The following TMEM131 variants were observed in gnomAD, a reference collection of about 807,000 sequenced individuals.
TMEM131 encodes the protein transmembrane protein 131, also known as 2610524E03Rik.
Under a neutral mutation model 211.6 loss-of-function variants are expected in TMEM131, and 66 were observed. The ratio of observed to expected loss-of-function variants is 0.31; its 90% confidence interval spans 0.26 to 0.38. The LOEUF (loss-of-function observed/expected upper bound fraction) is 0.38, where lower values mean the gene tolerates loss of function less well. Among genes scored for constraint, TMEM131 ranks in the 10% least tolerant of loss-of-function variants. The pLI, the probability that TMEM131 is intolerant of heterozygous loss-of-function variation, is 1.00. For synonymous variants in TMEM131, 844 were observed against 841.3 expected (o/e 1.00, Z -0.06); for missense variants, 2,036 against 2,299.3 (o/e 0.89, Z 2.34).
chr2:97,889,654 TGGAGAAAAA>T (rs1675301264), intron 3 of TMEM131, among the ~76,000 whole-genome samples: 1 of 151,358 alleles, frequency 6.6e-6, no homozygotes, highest in Admixed American at 6.6e-5. Context: ...GTTTAGATGT[TGGAGAAAAA>T]GGAAATTAAG....
At chr2:97,804,344 T>C (rs951498310) in intron 22 of TMEM131, among the ~76,000 whole-genome samples, 2 of 152,124 alleles carry the variant, frequency 1.3e-5, no homozygotes, top group Non-Finnish European at 2.9e-5. Context: ...GAGCCCTGTG[T>C]GCTCCCGAAT....
At chr2:97,971,200 G>A (rs2104602177) in intron 1 of TMEM131, among the ~76,000 whole-genome samples, 1 of 152,256 alleles carries the variant, frequency 6.6e-6, no homozygotes, top group South Asian at 2.1e-4. Context: ...AAAGGGCACT[G>A]GGTAAAGGTC....
chr2:97,773,349 G>A (rs1235895812), intron 32 of TMEM131, among the ~76,000 whole-genome samples: 4 of 152,186 alleles, frequency 2.6e-5, no homozygotes, highest in African/African-American at 9.7e-5. Context: ...TAAGGATGGT[G>A]AAGTCTAGCA....
At chr2:97,820,043 C>A (rs960599413) in intron 11 of TMEM131, among the ~76,000 whole-genome samples, 1 of 152,236 alleles carries the variant, frequency 6.6e-6, no homozygotes, top group African/African-American at 2.4e-5. Context: ...GAGCAGCTCC[C>A]TTTCCATTGG....
intron 1 of TMEM131, among the ~76,000 whole-genome samples, chr2:97,992,609 T>C (rs1015709914): frequency 2.6e-5 from 4 of 152,208 alleles, no homozygotes; most frequent in African/African-American, 9.7e-5. Context: ...CACTTCACAA[T>C]GAAATTATAT....
Position 97,902,746 on chromosome 2 carries a change from C to T in TMEM131, c.290+5912G>A, listed in dbSNP as rs147866112. ...AGAGATTAACATCTGAGTCAGTGGG[C>T]TGGGGAAGGCAGATCCACCCTTAAT... is the stretch of plus-strand genomic sequence containing the variant. On this transcript the variant is annotated intron_variant, in intron 3 of 40. Transcript: ENST00000186436. Among the ~76,000 whole-genome samples the T allele has an allele frequency of 5.3e-3, 811 of 152,218 alleles. 2 individuals are homozygous for T. Among genetic ancestry groups the T allele is most frequent in the South Asian group, 0.013 (65 of 4,818 alleles).
At position 97,924,255 on chromosome 2, in the gene TMEM131, T is replaced by C. The variant is rs542251914; in HGVS notation, c.249+3171A>G. On this transcript the variant is annotated intron_variant, in intron 2 of 40. Transcript: ENST00000186436. ...AAAATTGGATGGGTATGGTGGCATG[T>C]GCCTGTAGTCCCAGCTACTCTGGAG... Among the ~76,000 whole-genome samples the C allele has an allele frequency of 4.6e-5, 7 of 152,258 alleles. No homozygotes were observed. The East Asian group carries it at 1.4e-3, about 29-fold the overall frequency.
At chr2:97,802,268 T>G (rs1573382978) in intron 24 of TMEM131, among the ~76,000 whole-genome samples, 160 bp downstream of exon 24, 1 of 152,210 alleles carries the variant, frequency 6.6e-6, no homozygotes, top group East Asian at 1.9e-4. Context: ...TTGCACAGTA[T>G]CAACCTAAAC....
intron 1 of TMEM131, among the ~76,000 whole-genome samples, chr2:97,932,219 A>G (rs1403739836): frequency 3.3e-5 from 5 of 152,032 alleles, no homozygotes; most frequent in African/African-American, 1.2e-4. Context: ...TTACAGTTAC[A>G]CTTGCTCAAT....
intron 1 of TMEM131, among the ~76,000 whole-genome samples, chr2:97,929,097 A>G (rs1203031380): frequency 1.3e-5 from 2 of 151,628 alleles, no homozygotes; most frequent in Non-Finnish European, 2.9e-5. Flanking sequence ...GGCTTCCTGG[A>G]GCAATGGCCG....
intron 25 of TMEM131, among the ~76,000 whole-genome samples, chr2:97,801,329 A>G (rs1245413054): frequency 6.6e-6 from 1 of 152,266 alleles, no homozygotes; most frequent in Non-Finnish European, 1.5e-5. Context: ...GTCTTATTTA[A>G]TAACGTGTGG....
intron 11 of TMEM131, among the ~76,000 whole-genome samples, chr2:97,823,155 C>T (rs1232965093): frequency 6.6e-6 from 1 of 152,110 alleles, no homozygotes; most frequent in Non-Finnish European, 1.5e-5. Flanking sequence ...CATATCCTAG[C>T]CTCCCTATAG....
intron 3 of TMEM131, among the ~76,000 whole-genome samples, chr2:97,901,786 G>A (rs548974090): frequency 3.3e-5 from 5 of 152,232 alleles, no homozygotes; most frequent in Admixed American, 3.3e-4. Flanking sequence ...GGAAGCATTT[G>A]CTTTTTGGTG....
At chr2:97,930,106 TTTA>T (rs1268254771) in intron 1 of TMEM131, among the ~76,000 whole-genome samples, 75 of 151,596 alleles carry the variant, frequency 4.9e-4, no homozygotes, top group Admixed American at 1.7e-3. Context: ...TGAAGACAAA[TTTA>T]TTAACATAAG....
At chr2:97,799,218 G>T (rs907230224) in intron 25 of TMEM131, among the ~76,000 whole-genome samples, 7 of 151,922 alleles carry the variant, frequency 4.6e-5, no homozygotes, top group African/African-American at 1.7e-4. Context: ...CAAAGCAGTG[G>T]TATCAAACTT....
At chr2:97,910,843 A>G (rs752754519) in intron 2 of TMEM131, among the ~76,000 whole-genome samples, 5 of 152,154 alleles carry the variant, frequency 3.3e-5, no homozygotes, top group Non-Finnish European at 5.9e-5. Context: ...TGGTTACTAT[A>G]GCCTTGTAGT....
Position 97,802,481 on chromosome 2 carries a change from A to C in TMEM131, c.2598T>G (p.Ile866Met). Residue 866 changes from isoleucine (I) to methionine (M), a missense_variant, in exon 24 of 41, where the codon ATT becomes ATG. Ile to Met is a conservative substitution (Grantham distance 10). This residue lies in a region of TMEM131 where 1,623 missense variants were observed against 1,805.9 expected (regional missense o/e 0.90). Coordinates refer to ENST00000186436, the MANE Select transcript of TMEM131 (RefSeq NM_015348.2). Reference sequence around the variant, plus strand: ...AAGGGTTGGAATATAAAGCCAGAGGAATAAACTGAACATAGACAGGAACAT... The same window carrying C: ...AAGGGTTGGAATATAAAGCCAGAGGCATAAACTGAACATAGACAGGAACAT... The part of the protein sequence containing the change: ...PADVPVYVQF[I>M]PLALYSNPSV... The C allele has an allele frequency of 1.2e-6, 2 of 1,612,804 alleles. No homozygotes were observed. The highest frequency in any genetic ancestry group is 1.7e-6 in the Non-Finnish European group (2 of 1,179,456).
At chr2:97,944,188 C>A (rs1030469232) in intron 1 of TMEM131, among the ~76,000 whole-genome samples, 1 of 152,086 alleles carries the variant, frequency 6.6e-6, no homozygotes, top group Non-Finnish European at 1.5e-5. Flanking sequence ...CAATTGATTT[C>A]GGCACTCAAT....
rs184074139 is a variant in TMEM131, at chr2:97,985,657, G to A, written c.187+9819C>T. Among the ~76,000 whole-genome samples the A allele has an allele frequency of 8.7e-4, 131 of 151,062 alleles. 1 individual carries two copies. The highest frequency in any genetic ancestry group is 3.1e-3 in the African/African-American group (127 of 41,134). On this transcript the variant is annotated intron_variant, in intron 1 of 40. Transcript: ENST00000186436. ...CCTAAAATAAAGTTAAAACAGAAAT[G>A]TACAAATGCATAGACATATACATGA...
Sources: allele counts gnomAD v4.1 joint callset (sites outside exome capture counted in the v4.1 genomes callset), GRCh38; gene constraint gnomAD v4.1.1; regional missense constraint gnomAD v4.1.1; transcripts MANE v1.5; gene names NCBI Gene and HGNC (gene_info 2026-07-23, HGNC 2026-07-21).